LIN54: variants seen among roughly 807,000 people sequenced by gnomAD.
LIN54 encodes the protein lin-54 DREAM MuvB core complex component.
LIN54 carries 9 observed loss-of-function variants against 78.7 expected under a neutral mutation model. The observed-to-expected ratio is 0.11, with a 90% CI of 0.07 to 0.20. The LOEUF (loss-of-function observed/expected upper bound fraction) is 0.20. Among genes scored for constraint, LIN54 ranks in the 10% least tolerant of loss-of-function variants. The pLI is 1.00. For missense variants in LIN54, 573 were observed against 889.9 expected, an observed-to-expected ratio of 0.64 and a Z score of 4.53; for synonymous variants, 269 against 318.4, an observed-to-expected ratio of 0.84 and a Z score of 1.65.
At chr4:82,996,006 G>A (rs745606740) in intron 1 of LIN54, among the ~76,000 whole-genome samples, 4 of 151,988 alleles carry the variant, frequency 2.6e-5, no homozygotes, top group African/African-American at 4.8e-5. Flanking sequence ...TTAGCTGGGC[G>A]TGGTGGCTCA....
chr4:82,949,415 G>A (rs1723671027), intron 4 of LIN54, among the ~76,000 whole-genome samples: 1 of 140,498 alleles, frequency 7.1e-6, no homozygotes, highest in Admixed American at 7.3e-5. Flanking sequence ...TGTTGTTGTT[G>A]AGATGGAGTT....
chr4:82,951,560 G>A (rs1292858215), intron 4 of LIN54, among the ~76,000 whole-genome samples: 1 of 152,108 alleles, frequency 6.6e-6, no homozygotes, highest in Non-Finnish European at 1.5e-5. Context: ...CCTAGGAACA[G>A]AGTGCTAAAG....
rs1192960551 is a variant in LIN54, at chr4:82,935,910, G to A, written c.1845+71C>T. On this transcript the variant is annotated intron_variant, in intron 11 of 12. Transcript: ENST00000340417. ...AGCAAGGTGATTTCCCAATTTTCAAGTAAATTTTTGTAGTAGGTCCTTTCT... is the reference window on the plus strand; with the variant it reads ...AGCAAGGTGATTTCCCAATTTTCAAATAAATTTTTGTAGTAGGTCCTTTCT... 1.4e-5 allele frequency: 20 copies of A among 1,460,384 alleles called. 1 individual carries two copies. The South Asian group carries it at 2.0e-4, about 14-fold the overall frequency. 90.5% of individuals were successfully genotyped at this position (1,460,384 alleles called of 1,614,324 possible). A position where few individuals can be genotyped will look rare whatever the true frequency, so the allele number is the denominator to read the frequency against.
intron 5 of LIN54, 27 bp downstream of exon 5, chr4:82,946,231 T>C: frequency 6.5e-7 from 1 of 1,534,420 alleles, no homozygotes; most frequent in Non-Finnish European, 9.0e-7. Context: ...AAGCATGAAT[T>C]ACTGTTTTTA....
upstream of LIN54, chr4:83,011,897 C>T (rs34267240): frequency 0.16 from 50,154 of 322,730 alleles, 4,215 homozygotes; most frequent in South Asian, 0.28. Flanking sequence ...ATCATTCAAC[C>T]ACAACATAAG....
chr4:82,946,511 G>A, intron 4 of LIN54, 37 bp from the exon 5 acceptor site: 3 of 1,471,350 alleles, frequency 2.0e-6, no homozygotes, highest in Non-Finnish European at 1.9e-6. Context: ...ATTAATCTGG[G>A]ATGTAACTTT....
At chr4:82,965,481 A>G (rs550213353) in intron 4 of LIN54, among the ~76,000 whole-genome samples, 64 of 152,316 alleles carry the variant, frequency 4.2e-4, no homozygotes, top group Middle Eastern at 3.4e-3. Context: ...CCAGGCCTGG[A>G]GGCATAAGAG....
chr4:82,940,372 G>T (rs756142957), intron 5 of LIN54, among the ~76,000 whole-genome samples: 1 of 152,088 alleles, frequency 6.6e-6, no homozygotes, highest in Non-Finnish European at 1.5e-5. Context: ...ATTCAAACCA[G>T]AGAATATATC....
chr4:82,966,658 A>T (rs1370783366), intron 4 of LIN54, among the ~76,000 whole-genome samples: 2 of 152,088 alleles, frequency 1.3e-5, no homozygotes, highest in African/African-American at 4.8e-5. Context: ...TCATTCTGTC[A>T]ACCAGGCTGG....
chr4:82,946,195 G>T, intron 5 of LIN54, 63 bp downstream of exon 5: 2 of 1,390,790 alleles, frequency 1.4e-6, no homozygotes, highest in South Asian at 1.2e-5. Context: ...AGCAAGAAAT[G>T]GACAAATGTT....
chr4:82,964,073 C>T lies in LIN54; in HGVS notation c.951+6254G>A, dbSNP rs1213608945. ...CCTCCCTCCTTTTTTTTTTTTGAGA[C>T]GGAGTCTCACTCTGTTGCCCAGGCT... On this transcript the variant is annotated intron_variant, in intron 4 of 12. Coordinates refer to ENST00000340417, the MANE Select transcript of LIN54 (RefSeq NM_194282.4). Among the ~76,000 whole-genome samples the T allele has an allele frequency of 5.4e-5, 8 of 148,496 alleles. No individual in the cohort carries two copies. In the East Asian group the frequency reaches 7.8e-4, roughly 15 times the overall value.
intron 4 of LIN54, among the ~76,000 whole-genome samples, chr4:82,960,915 G>T (rs1578550755): frequency 6.6e-6 from 1 of 152,002 alleles, no homozygotes; most frequent in East Asian, 1.9e-4. Flanking sequence ...ACAAATATTA[G>T]CTGGGTGTGA....
intron 3 of LIN54, among the ~76,000 whole-genome samples, chr4:82,976,458 C>T (rs1052314062): frequency 6.6e-6 from 1 of 152,002 alleles, no homozygotes; most frequent in African/African-American, 2.4e-5. Context: ...GCCTGTAGTC[C>T]CAGCACTTTG....
intron 1 of LIN54, among the ~76,000 whole-genome samples, chr4:83,001,371 G>A (rs1728753455): frequency 2.7e-5 from 4 of 150,028 alleles, no homozygotes; most frequent in Admixed American, 1.3e-4. Context: ...GCAACCTAGT[G>A]AGATCCCATC....
chr4:82,945,901 C>T (rs1219582983), intron 5 of LIN54, among the ~76,000 whole-genome samples: 2 of 152,150 alleles, frequency 1.3e-5, no homozygotes, highest in Non-Finnish European at 2.9e-5. Context: ...TTTCAACTGA[C>T]CCAAACCCTA....
intron 11 of LIN54, among the ~76,000 whole-genome samples, chr4:82,932,547 G>A (rs1176566914): frequency 2.0e-5 from 3 of 151,286 alleles, no homozygotes; most frequent in African/African-American, 4.8e-5. Flanking sequence ...TGCCAGGCGC[G>A]GTGGCTCACG....
At chr4:82,929,012 C>A (rs1256465951) in intron 12 of LIN54, among the ~76,000 whole-genome samples, 1 of 152,176 alleles carries the variant, frequency 6.6e-6, no homozygotes, top group East Asian at 1.9e-4. Flanking sequence ...GCAACATAAT[C>A]TAAACCACTA....
chr4:82,926,065 T>A lies in LIN54; in HGVS notation c.*2037A>T, dbSNP rs148736041. On this transcript the variant is annotated 3_prime_UTR_variant, in exon 13 of 13. Coordinates refer to ENST00000340417, the MANE Select transcript of LIN54 (RefSeq NM_194282.4). ...GTAGCATTTGATTGCACCTTGAAAT[T>A]TTTTTACAAGCAAAACATTCGTAAG... 16 of 152,680 alleles carry A rather than the reference T, an allele frequency of 1.0e-4. No homozygotes were observed. Among genetic ancestry groups the A allele is most frequent in the Non-Finnish European group, 2.1e-4 (14 of 67,998 alleles). The allele number at this position is 152,680 out of a possible 1,614,324, so 9.5% of individuals were successfully genotyped here.
At chr4:82,950,897 T>A (rs7692305) in intron 4 of LIN54, among the ~76,000 whole-genome samples, 82,237 of 151,986 alleles carry the variant, frequency 0.54, 24,095 homozygotes, top group East Asian at 0.78. Flanking sequence ...TCCTCACAAA[T>A]GAATATTCTC....
Sources: gnomAD v4.1 joint callset for allele counts (sites outside exome capture counted in the v4.1 genomes callset) on GRCh38, gnomAD v4.1.1 for gene constraint, MANE v1.5 for transcripts, NCBI Gene and HGNC (gene_info 2026-07-23, HGNC 2026-07-21) for gene names.